SETD3: variants seen among roughly 807,000 people sequenced by gnomAD.
The protein encoded by SETD3 is actin-histidine N-methyltransferase.
In SETD3, 19 loss-of-function variants were observed where a neutral mutation model predicts 63.0. That is an observed-to-expected ratio of 0.30 (90% CI 0.21 to 0.44). The LOEUF is 0.44. Ranked by LOEUF, SETD3 falls within the 20% of genes least tolerant of loss-of-function variation. The pLI, the probability that SETD3 is intolerant of heterozygous loss-of-function variation, is 1.00. For synonymous variants in SETD3, 286 were observed against 264.1 expected (o/e 1.08, Z -0.80); for missense variants, 587 against 728.5 (o/e 0.81, Z 2.24).
intron 1 of SETD3, among the ~76,000 whole-genome samples, chr14:99,476,685 G>C (rs1895989000): frequency 6.6e-6 from 1 of 152,150 alleles, no homozygotes; most frequent in Non-Finnish European, 1.5e-5. Context: ...ATGTGTAATA[G>C]AAAACTGCTG....
chr14:99,481,787 C>T (rs1338284159), upstream of SETD3, among the ~76,000 whole-genome samples: 1 of 152,182 alleles, frequency 6.6e-6, no homozygotes, highest in Non-Finnish European at 1.5e-5. Flanking sequence ...AAAGGGGCAG[C>T]GGTGTTAACC....
In SETD3 at chr14:99,405,231, C is replaced by T. The variant is rs1385156525; in HGVS notation, c.1065G>A (p.Glu355=). ...TGGGGATGCCGGCACGAGCCAAGACCTCGGCCTTCATGGCGTAGAGTCTGT... is the reference window on the plus strand; with the variant it reads ...TGGGGATGCCGGCACGAGCCAAGACTTCGGCCTTCATGGCGTAGAGTCTGT... ...KSDRLYAMKA[E]VLARAGIPTS... is the part of the protein sequence containing the mutation. The change falls in exon 10 of 13, where the codon GAG becomes GAA. Residue 355 remains glutamate (E), a synonymous_variant. Coordinates refer to ENST00000331768, the MANE Select transcript of SETD3 (RefSeq NM_032233.3). 12 of 1,613,904 alleles carry T rather than the reference C, an allele frequency of 7.4e-6. No homozygotes were observed. The highest frequency in any genetic ancestry group is 1.0e-5 in the Non-Finnish European group (12 of 1,179,916).
chr14:99,431,594 C>T (rs1436431518), intron 6 of SETD3, among the ~76,000 whole-genome samples: 3 of 151,928 alleles, frequency 2.0e-5, no homozygotes, highest in South Asian at 4.2e-4. Flanking sequence ...CGGGTTCAAG[C>T]GATTCTCCTG....
chr14:99,424,624 A>C (rs1892778138), intron 6 of SETD3, among the ~76,000 whole-genome samples: 1 of 152,168 alleles, frequency 6.6e-6, no homozygotes, highest in South Asian at 2.1e-4. Flanking sequence ...TCCTGACCTG[A>C]GTTCCTGACC....
At chr14:99,428,428 T>C (rs1892999877) in intron 6 of SETD3, among the ~76,000 whole-genome samples, 1 of 152,144 alleles carries the variant, frequency 6.6e-6, no homozygotes, top group African/African-American at 2.4e-5. Flanking sequence ...GCAGATCACT[T>C]GAGGTGAGGA....
chr14:99,440,702 G>C (rs1893754652), intron 6 of SETD3, among the ~76,000 whole-genome samples: 1 of 151,842 alleles, frequency 6.6e-6, no homozygotes, highest in Admixed American at 6.6e-5. Context: ...GGCATCTGTG[G>C]GGAGGTAAGA....
At chr14:99,454,583 C>T (rs1894649542) in intron 6 of SETD3, among the ~76,000 whole-genome samples, 2 of 152,110 alleles carry the variant, frequency 1.3e-5, no homozygotes, top group Admixed American at 6.5e-5. Context: ...GGGTCAAACA[C>T]AAAATAGTAA....
chr14:99,461,108 G>A (rs565789216), intron 4 of SETD3, 84 bp downstream of exon 4: 22 of 1,491,178 alleles, frequency 1.5e-5, no homozygotes, highest in African/African-American at 8.4e-5. Context: ...CCCACCACAC[G>A]TCTACCTCTT....
intron 5 of SETD3, among the ~76,000 whole-genome samples, chr14:99,458,865 G>A (rs1894914412): frequency 6.6e-6 from 1 of 151,024 alleles, no homozygotes; most frequent in Non-Finnish European, 1.5e-5. Flanking sequence ...GCTGTAGTGA[G>A]CTATGATGGT....
At chr14:99,400,299 A>AT in intron 11 of SETD3, 40 bp from the exon 12 acceptor site, 1 of 1,568,458 alleles carries the variant, frequency 6.4e-7, no homozygotes, top group Non-Finnish European at 8.7e-7. Context: ...GGAGGAAAAC[A>AT]TAGCACTCCT....
At chr14:99,448,414 C>T (rs1217940734) in intron 6 of SETD3, among the ~76,000 whole-genome samples, 1 of 152,116 alleles carries the variant, frequency 6.6e-6, no homozygotes, top group East Asian at 1.9e-4. Flanking sequence ...TTTCCTACGA[C>T]GTGGAAAAGA....
chr14:99,469,779 C>T (rs560824922), intron 1 of SETD3, among the ~76,000 whole-genome samples: 1 of 152,232 alleles, frequency 6.6e-6, no homozygotes, highest in African/African-American at 2.4e-5. Flanking sequence ...GCATAGTGCA[C>T]GAATTCATGG....
rs775059944 is a variant in SETD3 at position 99,459,191 on chromosome 14, G to GA, written c.346-7dup. The GA allele has an allele frequency of 1.9e-6, 3 of 1,598,096 alleles. No individual in the cohort carries two copies. The highest frequency in any genetic ancestry group is 1.7e-6 in the Non-Finnish European group (2 of 1,169,508). On this transcript the variant is annotated splice_polypyrimidine_tract_variant and splice_region_variant and intron_variant, in intron 4 of 12. Coordinates refer to ENST00000331768, the MANE Select transcript of SETD3 (RefSeq NM_032233.3). ...CATAAAAACAATTCTTCTGCCTAGG[G>GA]AAAAAAATAATAATAGGAGAATCAT...
At chr14:99,463,717 A>C in intron 2 of SETD3, 139 bp from the exon 3 acceptor site, 1 of 657,624 alleles carries the variant, frequency 1.5e-6, no homozygotes, top group East Asian at 2.7e-5. Context: ...TATGACAGCC[A>C]TGATAATGAA....
At position 99,457,941 on chromosome 14, in the gene SETD3, T is replaced by G. The variant is rs148919502; in HGVS notation, c.675+338A>C. Among the ~76,000 whole-genome samples, 552 of 152,332 alleles carry G rather than the reference T, an allele frequency of 3.6e-3. 3 individuals carry two copies. The highest frequency in any genetic ancestry group is 0.017 in the Admixed American group (263 of 15,300). ...ATTAACCCTCATTTTCTTGAAAAATTTATACACAGAGTAACTTATTGCATT... is the reference window on the plus strand; with the variant it reads ...ATTAACCCTCATTTTCTTGAAAAATGTATACACAGAGTAACTTATTGCATT... On this transcript the variant is annotated intron_variant, in intron 6 of 12. Transcript: ENST00000331768.
chr14:99,446,044 T>C (rs1452605802), intron 6 of SETD3, among the ~76,000 whole-genome samples: 3 of 152,082 alleles, frequency 2.0e-5, no homozygotes, highest in Non-Finnish European at 4.4e-5. Context: ...ACAGAGGAGA[T>C]GGAGGAAAAA....
chr14:99,408,610 C>A (rs1891809812), intron 8 of SETD3, among the ~76,000 whole-genome samples: 1 of 152,136 alleles, frequency 6.6e-6, no homozygotes, highest in African/African-American at 2.4e-5. Flanking sequence ...GGGTATTTTA[C>A]AGATATTTCC....
intron 6 of SETD3, among the ~76,000 whole-genome samples, chr14:99,431,318 A>G (rs1166458849): frequency 6.6e-6 from 1 of 152,192 alleles, no homozygotes; most frequent in Non-Finnish European, 1.5e-5. Flanking sequence ...ACATGGAGAA[A>G]CTGTGGCCAA....
rs774701882 is a variant in SETD3 at position 99,399,079 on chromosome 14, T to G, written c.1385A>C (p.Lys462Thr). ...LKNHDLSVRAKMAIKLRLGEK... is the reference protein window; with the variant it reads ...LKNHDLSVRATMAIKLRLGEK... ...ACCTAAGCGCAATTTGATGGCCATT[T>G]TTGCACGAACAGAAAGATCGTGGTT... The change falls in exon 13 of 13, where the codon AAA (lysine) becomes ACA (threonine). Residue 462 changes from lysine (K) to threonine (T), a missense_variant. Physicochemically the swap from Lys to Thr is moderately conservative, Grantham distance 78. Coordinates refer to ENST00000331768, the MANE Select transcript of SETD3 (RefSeq NM_032233.3). 7 of 1,614,146 alleles carry G rather than the reference T, an allele frequency of 4.3e-6. No individual in the cohort carries two copies. The East Asian group carries it at 1.6e-4, about 36-fold the overall frequency.
Sources: gnomAD v4.1 joint callset for allele counts (sites outside exome capture counted in the v4.1 genomes callset) on GRCh38, gnomAD v4.1.1 for gene constraint, MANE v1.5 for transcripts, NCBI Gene and HGNC (gene_info 2026-07-23, HGNC 2026-07-21) for gene names.